The following COX10 variants were observed in gnomAD, a reference collection of about 807,000 sequenced individuals.
COX10 encodes the protein cytochrome c oxidase assembly factor heme A:farnesyltransferase COX10.
Under a neutral mutation model 37.3 loss-of-function variants are expected in COX10, and 27 were observed. That is an observed-to-expected ratio of 0.72 (90% CI 0.53 to 1.00). The LOEUF (loss-of-function observed/expected upper bound fraction) is 1.00. Among genes scored for constraint, COX10 ranks in the 50% least tolerant of loss-of-function variants. The pLI is 0.00. For missense variants in COX10, 475 were observed against 563.2 expected (o/e 0.84, Z 1.59); for synonymous variants, 222 against 229.1 (o/e 0.97, Z 0.28).
intron 5 of COX10, 128 bp from the exon 6 acceptor site, chr17:14,191,861 G>A: frequency 1.1e-6 from 1 of 918,586 alleles, no homozygotes; most frequent in Non-Finnish European, 1.7e-6. Context: ...CCATATCCAG[G>A]AATCAGCCAG....
At chr17:14,172,016 G>A (rs1474838432) in intron 5 of COX10, among the ~76,000 whole-genome samples, 2 of 152,094 alleles carry the variant, frequency 1.3e-5, no homozygotes, top group Non-Finnish European at 2.9e-5. Context: ...TCTCACCTCA[G>A]TGCTTTAGCT....
intron 1 of COX10, among the ~76,000 whole-genome samples, chr17:14,070,491 A>C (rs936302398): frequency 1.3e-5 from 2 of 152,282 alleles, no homozygotes; most frequent in Admixed American, 6.5e-5. Flanking sequence ...CTTAGTGTAC[A>C]TTGTTTGCTC....
chr17:14,189,437 G>C (rs1348711461), intron 5 of COX10, among the ~76,000 whole-genome samples: 2 of 152,260 alleles, frequency 1.3e-5, no homozygotes, highest in East Asian at 3.9e-4. Context: ...GCTGATTTGG[G>C]GGGGACATTG....
rs80083418 is a variant in COX10, at chr17:14,101,102, G to A, written c.500-1016G>A. ...CAGTGTGATGGGTTTGAAACATAGT[G>A]TAGAGATAGAACAGACACTACTTTG... On this transcript the variant is annotated intron_variant, in intron 3 of 6. Coordinates refer to ENST00000261643, the MANE Select transcript of COX10 (RefSeq NM_001303.4). Among the ~76,000 whole-genome samples, 63 of 152,310 alleles carry A rather than the reference G, an allele frequency of 4.1e-4. 1 individual carries two copies. The East Asian group carries it at 9.9e-3, about 24-fold the overall frequency.
Position 14,160,072 on chromosome 17 carries a change from G to T in COX10, c.695+125G>T, listed in dbSNP as rs7212977. 1 allele frequency: 833,159 copies of T among 834,604 alleles called. 415,875 individuals carry two copies. Among genetic ancestry groups the T allele is most frequent in the Middle Eastern group, 1 (2,946 of 2,946 alleles). 51.7% of individuals were successfully genotyped at this position (834,604 alleles called of 1,614,324 possible). A position where few individuals can be genotyped will look rare whatever the true frequency, so the allele number is the denominator to read the frequency against. On this transcript the variant is annotated intron_variant, in intron 5 of 6. Coordinates refer to ENST00000261643, the MANE Select transcript of COX10 (RefSeq NM_001303.4). ...AATAAAATACCCACAAAGAAACAAAGTGATATGGAAATGCAATACTTTCCA... is the reference window on the plus strand; with the variant it reads ...AATAAAATACCCACAAAGAAACAAATTGATATGGAAATGCAATACTTTCCA...
At chr17:14,127,931 G>GTA (rs1916381241) in intron 4 of COX10, among the ~76,000 whole-genome samples, 1 of 82,714 alleles carries the variant, frequency 1.2e-5, no homozygotes, top group South Asian at 3.1e-4. Flanking sequence ...GTGTGTATGT[G>GTA]TGTGTGTGTG....
At chr17:14,101,069 A>G (rs982218606) in intron 3 of COX10, among the ~76,000 whole-genome samples, 4 of 152,184 alleles carry the variant, frequency 2.6e-5, no homozygotes, top group African/African-American at 2.4e-5. Flanking sequence ...TGCTGGACTA[A>G]ATGCTGGCAG....
At chr17:14,168,277 C>T (rs1243056893) in intron 5 of COX10, among the ~76,000 whole-genome samples, 1 of 152,228 alleles carries the variant, frequency 6.6e-6, no homozygotes, top group Non-Finnish European at 1.5e-5. Context: ...GCTCCCAAGG[C>T]CTTGGGCAGT....
chr17:14,170,508 G>T (rs550251836), intron 5 of COX10, among the ~76,000 whole-genome samples: 17 of 152,290 alleles, frequency 1.1e-4, no homozygotes, highest in African/African-American at 3.8e-4. Flanking sequence ...CCTCATGTGT[G>T]AAGAAGAATC....
intron 5 of COX10, among the ~76,000 whole-genome samples, chr17:14,180,529 A>T (rs1905826173): frequency 6.6e-6 from 1 of 152,186 alleles, no homozygotes; most frequent in African/African-American, 2.4e-5. Flanking sequence ...GAAAAAAGAA[A>T]GCATTTGTGA....
intron 3 of COX10, among the ~76,000 whole-genome samples, chr17:14,090,065 A>G (rs1398654682): frequency 6.6e-6 from 1 of 151,572 alleles, no homozygotes; most frequent in African/African-American, 2.4e-5. Flanking sequence ...TGTCCCCTTC[A>G]GTGGGTGGCA....
chr17:14,166,141 C>T (rs9913639), intron 5 of COX10, among the ~76,000 whole-genome samples: 58,206 of 152,102 alleles, frequency 0.38, 11,276 homozygotes, highest in African/African-American at 0.43. Context: ...AAGGTGGCCA[C>T]ACTGAACAAT....
Position 14,174,151 on chromosome 17 carries a change from A to G in COX10, c.695+14204A>G, listed in dbSNP as rs374302183. Reference sequence around the variant, plus strand: ...AGAAAGAAGTCTTAAACTCATTAAGAAAAGAACCTTAAAAATAGACAAAAG... The same window carrying G: ...AGAAAGAAGTCTTAAACTCATTAAGGAAAGAACCTTAAAAATAGACAAAAG... On this transcript the variant is annotated intron_variant, in intron 5 of 6. Transcript: ENST00000261643. Among the ~76,000 whole-genome samples the G allele has an allele frequency of 8.6e-5, 13 of 151,874 alleles. No individual in the cohort carries two copies. The East Asian group carries it at 1.9e-3, about 23-fold the overall frequency.
chr17:14,074,578 G>A, intron 2 of COX10, 122 bp downstream of exon 2: 1 of 953,130 alleles, frequency 1.0e-6, no homozygotes, highest in Non-Finnish European at 1.7e-6. Flanking sequence ...CTTTTATTTA[G>A]TGTCCTTAAA....
At chr17:14,193,587 G>T (rs2654327) in intron 6 of COX10, among the ~76,000 whole-genome samples, 43,551 of 141,524 alleles carry the variant, frequency 0.31, 5,390 homozygotes, top group African/African-American at 0.44. Flanking sequence ...GGGGTCCTTT[G>T]GTGAGGTTTG....
chr17:14,075,866 C>T (rs1203766341), intron 2 of COX10, among the ~76,000 whole-genome samples: 1 of 151,576 alleles, frequency 6.6e-6, no homozygotes, highest in African/African-American at 2.4e-5. Flanking sequence ...GTGGCGGGTG[C>T]CTGTAGTCCC....
chr17:14,103,553 A>C lies in COX10; in HGVS notation c.624+1311A>C, dbSNP rs1269236943. ...TGTTTAAAATAAAATATGGACATTC[A>C]GAGAAAAAATAACTAAAAAGCATCA... On this transcript the variant is annotated intron_variant, in intron 4 of 6. Coordinates refer to ENST00000261643, the MANE Select transcript of COX10 (RefSeq NM_001303.4). 4.6e-5 allele frequency among the ~76,000 whole-genome samples: 7 copies of C among 152,140 alleles called. No individual in the cohort carries two copies. In the South Asian group the frequency reaches 1.2e-3, roughly 27 times the overall value.
At chr17:14,189,080 T>TA (rs1906123402) in intron 5 of COX10, among the ~76,000 whole-genome samples, 1 of 14,328 alleles carries the variant, frequency 7.0e-5, no homozygotes, top group African/African-American at 1.5e-4. Flanking sequence ...CATTTTCTTC[T>TA]TTTTTTTTTT....
chr17:14,155,836 C>A (rs1342150567), intron 4 of COX10, among the ~76,000 whole-genome samples: 1 of 152,166 alleles, frequency 6.6e-6, no homozygotes, highest in African/African-American at 2.4e-5. Context: ...TCCTCTTCAT[C>A]TCCACTGTCA....
Sources: allele counts gnomAD v4.1 joint callset (sites outside exome capture counted in the v4.1 genomes callset), GRCh38; gene constraint gnomAD v4.1.1; transcripts MANE v1.5; gene names NCBI Gene and HGNC (gene_info 2026-07-23, HGNC 2026-07-21).